Variants in TMEM132B observed in about 807,000 individuals in gnomAD.
TMEM132B encodes transmembrane protein 132B.
Under a neutral mutation model 90.8 loss-of-function variants are expected in TMEM132B, and 18 were observed. That is an observed-to-expected ratio of 0.20 (90% CI 0.14 to 0.29). The LOEUF (loss-of-function observed/expected upper bound fraction) is 0.29. Among genes scored for constraint, TMEM132B ranks in the 10% least tolerant of loss-of-function variants. TMEM132B has a pLI of 1.00. For synonymous variants in TMEM132B, 504 were observed against 523.3 expected (o/e 0.96, Z 0.50); for missense variants, 1,096 against 1,326.8 (o/e 0.83, Z 2.70).
intron 2 of TMEM132B, among the ~76,000 whole-genome samples, chr12:125,412,575 G>A (rs1405942836): frequency 6.6e-6 from 1 of 152,174 alleles, no homozygotes; most frequent in Non-Finnish European, 1.5e-5. Flanking sequence ...CTATCGGGTG[G>A]GAGGGTCTGA....
intron 3 of TMEM132B, among the ~76,000 whole-genome samples, chr12:125,456,710 CA>C (rs1035843996): frequency 6.6e-6 from 1 of 152,220 alleles, no homozygotes; most frequent in Non-Finnish European, 1.5e-5. Flanking sequence ...CTCCCCACTG[CA>C]GTCTCTCTGT....
chr12:125,616,064 A>G (rs1192594765), intron 5 of TMEM132B, among the ~76,000 whole-genome samples: 1 of 148,520 alleles, frequency 6.7e-6, no homozygotes, highest in South Asian at 2.2e-4. Context: ...CATTAGGTAT[A>G]TCTCATAATG....
chr12:125,187,995 A>G (rs944797458), intron 1 of TMEM132B, among the ~76,000 whole-genome samples: 1 of 152,132 alleles, frequency 6.6e-6, no homozygotes, highest in Non-Finnish European at 1.5e-5. Flanking sequence ...GAAAAATACA[A>G]CTATAACTTT....
At chr12:125,625,457 A>T (rs995416203) in intron 5 of TMEM132B, among the ~76,000 whole-genome samples, 29 of 152,280 alleles carry the variant, frequency 1.9e-4, no homozygotes, top group Admixed American at 4.6e-4. Flanking sequence ...TCCCTAAAAA[A>T]TGCATTGAAA....
intron 3 of TMEM132B, among the ~76,000 whole-genome samples, chr12:125,418,265 A>T (rs1880075139): frequency 2.2e-5 from 1 of 46,128 alleles, no homozygotes. Context: ...AGAAAAGATA[A>T]AAAAAAAGGT....
chr12:125,627,711 A>G (rs1224307120), intron 5 of TMEM132B, among the ~76,000 whole-genome samples: 2 of 152,114 alleles, frequency 1.3e-5, no homozygotes, highest in Non-Finnish European at 2.9e-5. Context: ...CAATTAAATT[A>G]TTATTGACTA....
intron 4 of TMEM132B, among the ~76,000 whole-genome samples, chr12:125,551,826 ATTC>A (rs1213265756): frequency 6.6e-6 from 1 of 152,114 alleles, no homozygotes; most frequent in Non-Finnish European, 1.5e-5. Flanking sequence ...TGGGTCTGTC[ATTC>A]TTCTTCTAGG....
At chr12:125,196,931 T>C (rs539059247) in intron 1 of TMEM132B, among the ~76,000 whole-genome samples, 1 of 152,318 alleles carries the variant, frequency 6.6e-6, no homozygotes, top group East Asian at 1.9e-4. Context: ...GAGTTAGGAT[T>C]TGACTTGTGG....
intron 1 of TMEM132B, chr12:125,326,733 G>C: frequency 1.3e-6 from 2 of 1,548,098 alleles, no homozygotes; most frequent in Admixed American, 4.1e-5. Context: ...CAGACCCAAG[G>C]GGAGGTTTTC....
rs539518670 is a variant in TMEM132B, at chr12:125,605,876, A to G, written c.1437+21882A>G. On this transcript the variant is annotated intron_variant, in intron 5 of 8. Coordinates refer to ENST00000682704, the MANE Select transcript of TMEM132B (RefSeq NM_001366854.1). ...GAAATTATTTTGTATTGAGAAGATG[A>G]ACCAAAGAAATTGGAAGAATTAGAT... Among the ~76,000 whole-genome samples, 126 of 152,302 alleles carry G rather than the reference A, an allele frequency of 8.3e-4. 1 individual carries two copies. The highest frequency in any genetic ancestry group is 2.7e-3 in the African/African-American group (112 of 41,562).
chr12:125,648,616 A>G (rs1886829415), intron 6 of TMEM132B, among the ~76,000 whole-genome samples: 1 of 152,036 alleles, frequency 6.6e-6, no homozygotes, highest in African/African-American at 2.4e-5. Context: ...AAATAAATGA[A>G]TAGGATACAA....
chr12:125,552,522 GTA>G (rs1489651228), intron 4 of TMEM132B, among the ~76,000 whole-genome samples: 1 of 152,168 alleles, frequency 6.6e-6, no homozygotes, highest in Non-Finnish European at 1.5e-5. Context: ...GAGAGTCACT[GTA>G]TGATGCAATC....
At chr12:125,555,864 C>T (rs11833631) in intron 4 of TMEM132B, among the ~76,000 whole-genome samples, 9 of 152,206 alleles carry the variant, frequency 5.9e-5, no homozygotes, top group Middle Eastern at 3.4e-3. Flanking sequence ...TTTGAAAATA[C>T]GTACGTGTAT....
chr12:125,419,944 G>T (rs1035047813), intron 3 of TMEM132B, among the ~76,000 whole-genome samples: 1 of 152,202 alleles, frequency 6.6e-6, no homozygotes, highest in African/African-American at 2.4e-5. Flanking sequence ...GCTCTAAAAT[G>T]ATCTCCTTTG....
chr12:125,643,735 C>G (rs907512368), intron 5 of TMEM132B, among the ~76,000 whole-genome samples: 1 of 151,996 alleles, frequency 6.6e-6, no homozygotes. Context: ...TATGAGGCAC[C>G]TGGGGTTTGA....
intron 1 of TMEM132B, among the ~76,000 whole-genome samples, chr12:125,203,810 G>A (rs982594463): frequency 6.6e-6 from 1 of 152,108 alleles, no homozygotes; most frequent in African/African-American, 2.4e-5. Flanking sequence ...CTATCTATAG[G>A]GCAAAACCCT....
rs1262745832 is a variant in TMEM132B, at chr12:125,389,483, C to T, written c.960-26048C>T. Reference sequence around the variant, plus strand: ...TCTAGCCCTAGAGCCACCACACTTCCTGGGCTTGAATGCTGGCTCTGGCTC... The same window carrying T: ...TCTAGCCCTAGAGCCACCACACTTCTTGGGCTTGAATGCTGGCTCTGGCTC... On this transcript the variant is annotated intron_variant, in intron 2 of 8. Transcript: ENST00000682704. 1.9e-4 allele frequency among the ~76,000 whole-genome samples: 29 copies of T among 152,100 alleles called. 1 individual carries two copies. Among genetic ancestry groups the T allele is most frequent in the Admixed American group, 1.9e-3 (29 of 15,266 alleles).
rs752611375 is a variant in TMEM132B at position 125,654,231 on chromosome 12, G to T, written c.2773G>T (p.Val925Leu). ...CATTCTGGTCTTCTTGATCAACTGC[G>T]TGGCGTTTGCCTGGAAATACAGACA... ...LAILVFLINC[V>L]AFAWKYRHKR... Residue 925 changes from valine to leucine, a missense_variant, in exon 9 of 9, where the codon GTG becomes TTG. By Grantham distance (32) the Val-to-Leu change is conservative (BLOSUM62 1). Coordinates refer to ENST00000682704, the MANE Select transcript of TMEM132B (RefSeq NM_001366854.1). The surrounding 1 kb of genome is among the most constrained non-coding windows in gnomAD (Gnocchi z 5.8). 1.2e-6 allele frequency: 2 copies of T among 1,614,050 alleles called. No individual in the cohort carries two copies. Among genetic ancestry groups the T allele is most frequent in the South Asian group, 1.1e-5 (1 of 91,088 alleles).
intron 1 of TMEM132B, among the ~76,000 whole-genome samples, chr12:125,227,560 G>A (rs1212858585): frequency 6.6e-6 from 1 of 152,116 alleles, no homozygotes; most frequent in African/African-American, 2.4e-5. Flanking sequence ...AGACTCCCTT[G>A]AGTCCAAGAG....
Sources: gnomAD v4.1 joint callset for allele counts (sites outside exome capture counted in the v4.1 genomes callset) on GRCh38, gnomAD v4.1.1 for gene constraint, Gnocchi (gnomAD v3.1) non-coding constraint, MANE v1.5 for transcripts, NCBI Gene and HGNC (gene_info 2026-07-23, HGNC 2026-07-21) for gene names.